EFCAB5: variants seen among roughly 807,000 people sequenced by gnomAD.
EFCAB5 encodes EF-hand calcium-binding domain-containing protein 5.
In EFCAB5, 131 loss-of-function variants were observed where a neutral mutation model predicts 167.9. That is an observed-to-expected ratio of 0.78 (90% confidence interval 0.68 to 0.90). EFCAB5 has a LOEUF of 0.90. Ranked by LOEUF, EFCAB5 falls within the 40% of genes least tolerant of loss-of-function variation. The probability of loss-of-function intolerance (pLI) is 0.00; values close to 1 mark genes in which losing one functional copy is unlikely to be tolerated. For synonymous variants in EFCAB5, 574 were observed against 602.8 expected, an observed-to-expected ratio of 0.95 and a Z score of 0.70; for missense variants, 1,663 against 1,745.2, an observed-to-expected ratio of 0.95 and a Z score of 0.84.
chr17:30,106,618 G>A (rs1425067440), intron 22 of EFCAB5, among the ~76,000 whole-genome samples: 1 of 151,962 alleles, frequency 6.6e-6, no homozygotes, highest in African/African-American at 2.4e-5. Context: ...CACCACGCCT[G>A]GCTAATTTTT....
chr17:29,988,887 G>A (rs924839308), intron 4 of EFCAB5, among the ~76,000 whole-genome samples: 6 of 152,108 alleles, frequency 3.9e-5, no homozygotes, highest in African/African-American at 1.4e-4. Context: ...ATGCTGAGTT[G>A]AAAAAAATTA....
At chr17:29,981,642 T>C (rs1011711577) in intron 4 of EFCAB5, among the ~76,000 whole-genome samples, 40 of 152,346 alleles carry the variant, frequency 2.6e-4, no homozygotes, top group African/African-American at 9.6e-4. Context: ...TAATGCTCAA[T>C]AAATGTTTGT....
chr17:29,979,543 G>T (rs769652007), intron 4 of EFCAB5, among the ~76,000 whole-genome samples: 1 of 152,146 alleles, frequency 6.6e-6, no homozygotes, highest in Non-Finnish European at 1.5e-5. Flanking sequence ...TGTCCTCTTT[G>T]GGAATCCAGA....
intron 7 of EFCAB5, among the ~76,000 whole-genome samples, chr17:30,020,098 T>G (rs1347478243): frequency 6.6e-6 from 1 of 152,176 alleles, no homozygotes; most frequent in African/African-American, 2.4e-5. Flanking sequence ...TTGTCACAAA[T>G]GACAACATTT....
intron 7 of EFCAB5, among the ~76,000 whole-genome samples, chr17:30,000,897 A>G (rs2068648154): frequency 6.6e-6 from 1 of 152,174 alleles, no homozygotes; most frequent in South Asian, 2.1e-4. Flanking sequence ...ACTATGAACC[A>G]TCTCCTTACT....
chr17:29,951,853 C>T (rs2067520007), intron 3 of EFCAB5, among the ~76,000 whole-genome samples: 1 of 152,162 alleles, frequency 6.6e-6, no homozygotes, highest in South Asian at 2.1e-4. Flanking sequence ...CACTGCTCTA[C>T]AGTAGGAACT....
chr17:29,953,344 C>T (rs2067551192), intron 3 of EFCAB5, among the ~76,000 whole-genome samples: 1 of 152,116 alleles, frequency 6.6e-6, no homozygotes, highest in African/African-American at 2.4e-5. Flanking sequence ...GACTGTGTCC[C>T]CACCCAAATA....
intron 7 of EFCAB5, among the ~76,000 whole-genome samples, chr17:30,004,606 A>G (rs1384764261): frequency 6.7e-6 from 1 of 148,478 alleles, no homozygotes; most frequent in African/African-American, 2.5e-5. Context: ...CTCACCAGAT[A>G]CTAACTCTGT....
intron 22 of EFCAB5, among the ~76,000 whole-genome samples, chr17:30,103,434 GA>G (rs1418651492): frequency 2.0e-5 from 3 of 152,158 alleles, no homozygotes; most frequent in Non-Finnish European, 4.4e-5. Flanking sequence ...ATATTGTACA[GA>G]AATTATGCTT....
chr17:30,028,118 T>A (rs1360527575), intron 7 of EFCAB5, among the ~76,000 whole-genome samples: 1 of 152,214 alleles, frequency 6.6e-6, no homozygotes, highest in Non-Finnish European at 1.5e-5. Flanking sequence ...ATTCTCTTTT[T>A]TGGGACCCAT....
intron 7 of EFCAB5, among the ~76,000 whole-genome samples, 189 bp from the exon 8 acceptor site, chr17:30,034,041 T>A (rs1290057297): frequency 6.6e-6 from 1 of 152,210 alleles, no homozygotes; most frequent in Non-Finnish European, 1.5e-5. Flanking sequence ...GGGACTGCAT[T>A]AGTTACCTCT....
At chr17:29,936,587 A>G (rs1028547697) in intron 1 of EFCAB5, among the ~76,000 whole-genome samples, 15 of 152,312 alleles carry the variant, frequency 9.8e-5, no homozygotes, top group Admixed American at 5.2e-4. Flanking sequence ...GGCAAAAGAA[A>G]TGTGATTTTC....
chr17:29,949,728 T>G (rs1223979792), intron 3 of EFCAB5, among the ~76,000 whole-genome samples: 1 of 152,256 alleles, frequency 6.6e-6, no homozygotes, highest in Admixed American at 6.5e-5. Context: ...ACCCTGCTGT[T>G]GCTGTGCTTC....
intron 22 of EFCAB5, among the ~76,000 whole-genome samples, chr17:30,103,357 C>T (rs375320993): frequency 1.3e-5 from 2 of 151,930 alleles, no homozygotes; most frequent in Admixed American, 1.3e-4. Flanking sequence ...TCAATTTACA[C>T]ATGACTTGAT....
intron 14 of EFCAB5, among the ~76,000 whole-genome samples, chr17:30,071,280 A>C (rs1402821778): frequency 8.3e-6 from 1 of 120,764 alleles, no homozygotes; most frequent in East Asian, 2.1e-4. Context: ...AAGGAACTCA[A>C]ACAAAGCAAT....
chr17:30,107,324 C>A (rs1226745988), intron 22 of EFCAB5, among the ~76,000 whole-genome samples: 2 of 152,104 alleles, frequency 1.3e-5, no homozygotes, highest in Non-Finnish European at 2.9e-5. Flanking sequence ...CTATATCCAA[C>A]CTTAACACTA....
intron 13 of EFCAB5, 37 bp downstream of exon 13, chr17:30,057,927 C>A: frequency 1.3e-6 from 2 of 1,569,294 alleles, no homozygotes; most frequent in South Asian, 2.3e-5. Flanking sequence ...CAAGTGAGGT[C>A]ACTATTATAA....
chr17:30,022,964 G>A (rs1443141227), intron 7 of EFCAB5, among the ~76,000 whole-genome samples: 4 of 151,968 alleles, frequency 2.6e-5, no homozygotes, highest in Non-Finnish European at 5.9e-5. Flanking sequence ...CAGAAATAAA[G>A]ATGTTCTTTG....
chr17:29,964,484 G>A (rs1302170349), intron 3 of EFCAB5, among the ~76,000 whole-genome samples: 6 of 151,918 alleles, frequency 3.9e-5, no homozygotes, highest in African/African-American at 9.7e-5. Context: ...TAGTAGAGAC[G>A]GGTTTTCACC....
Sources: allele counts gnomAD v4.1 joint callset (sites outside exome capture counted in the v4.1 genomes callset), GRCh38; gene constraint gnomAD v4.1.1; transcripts MANE v1.5; gene names NCBI Gene and HGNC (gene_info 2026-07-23, HGNC 2026-07-21).